RBM22: variants seen among roughly 807,000 people sequenced by gnomAD.
RBM22 encodes the protein RNA binding motif protein 22.
A neutral mutation model predicts 50.1 loss-of-function variants in RBM22; 1 was observed. That is an observed-to-expected ratio of 0.02 (90% confidence interval 0.01 to 0.09). The LOEUF is 0.09. RBM22 is among the 10% of genes least tolerant of loss of function. The pLI is 1.00. For missense variants in RBM22, 264 were observed against 529.3 expected, an observed-to-expected ratio of 0.50 and a Z score of 4.92; for synonymous variants, 152 against 179.0, an observed-to-expected ratio of 0.85 and a Z score of 1.20.
At chr5:150,700,904 T>G in intron 1 of RBM22, 28 bp downstream of exon 1, 1 of 1,614,170 alleles carries the variant, frequency 6.2e-7, no homozygotes, top group Non-Finnish European at 8.5e-7. Context: ...GCCTCCTCCT[T>G]CCATCCTCCT....
At position 150,696,890 on chromosome 5, in the gene RBM22, G is replaced by T; in HGVS notation, c.273C>A (p.Gly91=). The part of the protein sequence containing the change: ...CQTCLLDLEY[G]LPIQVRDAGL... ...CTGCGTCACGAACCTGGATGGGCAGGCCTGGTACAAAAAAAGAGGAAAAAG... is the reference window on the plus strand; with the variant it reads ...CTGCGTCACGAACCTGGATGGGCAGTCCTGGTACAAAAAAAGAGGAAAAAG... Residue 91 remains glycine (G), a splice_region_variant and synonymous_variant, in exon 5 of 11, where the codon GGC becomes GGA. Transcript: ENST00000199814. The surrounding 1 kb of genome is among the most constrained non-coding windows in gnomAD (Gnocchi z 4.3). 6.2e-7 allele frequency: 1 copy of T among 1,614,008 alleles called. No individual in the cohort carries two copies. The highest frequency in any genetic ancestry group is 2.2e-5 in the East Asian group (1 of 44,878).
chr5:150,700,731 T>TAA (rs1243694200), intron 1 of RBM22: 1 of 1,536,954 alleles, frequency 6.5e-7, no homozygotes, highest in Non-Finnish European at 8.7e-7. Flanking sequence ...GAAAGGGTGC[T>TAA]GGTCCCGGGA....
chr5:150,700,678 A>T, intron 1 of RBM22, 181 bp from the exon 2 acceptor site: 1 of 1,526,364 alleles, frequency 6.6e-7, no homozygotes. Flanking sequence ...AGGCGGCGGG[A>T]GAAAAGAAAA....
rs760208531 is a variant in RBM22 at position 150,693,278 on chromosome 5, T to C, written c.941A>G (p.Glu314Gly). The change falls in exon 9 of 11, where the codon GAG (glutamate) becomes GGG (glycine). Residue 314 changes from glutamate (E) to glycine (G), a missense_variant. By Grantham distance (98) the Glu-to-Gly change is moderately conservative. This residue lies in a region of RBM22 where 106 missense variants were observed against 137.1 expected (regional missense o/e 0.77). Coordinates refer to ENST00000199814, the MANE Select transcript of RBM22 (RefSeq NM_018047.3). ...CCCAGAGTCTGTAGTTCCATCTTTC[T>C]CTTTTTCTTTTCCTCTGGCTGCCTG... ...RSQAARGKEKEKDGTTDSGIK... is the reference protein window; with the variant it reads ...RSQAARGKEKGKDGTTDSGIK... 3 of 1,614,048 alleles carry C rather than the reference T, an allele frequency of 1.9e-6. No individual in the cohort carries two copies. In the South Asian group the frequency reaches 3.3e-5, roughly 18 times the overall value.
At position 150,696,456 on chromosome 5, in the gene RBM22, A is replaced by G. The variant is rs1561678707; in HGVS notation, c.545+77T>C. The G allele has an allele frequency of 2.1e-5, 30 of 1,440,364 alleles. No individual in the cohort carries two copies. In the South Asian group the frequency reaches 3.0e-4, roughly 14 times the overall value. The allele number at this position is 1,440,364 out of a possible 1,614,324, so 89.2% of individuals were successfully genotyped here. ...GACCTTTAGATTTTAAAGCAGAAAC[A>G]GTTTAAGTTAGGACCTCCCACTTCT... is the stretch of plus-strand genomic sequence containing the variant. On this transcript the variant is annotated intron_variant, in intron 6 of 10. Coordinates refer to ENST00000199814, the MANE Select transcript of RBM22 (RefSeq NM_018047.3). The surrounding 1 kb of genome is among the most constrained non-coding windows in gnomAD (Gnocchi z 4.3).
intron 1 of RBM22, 123 bp from the exon 2 acceptor site, chr5:150,700,620 G>A (rs1446742225): frequency 6.4e-7 from 1 of 1,553,574 alleles, no homozygotes; most frequent in Non-Finnish European, 8.7e-7. Context: ...GGAACCCGAA[G>A]TCCATCACGA....
chr5:150,696,955 C>T lies in RBM22; in HGVS notation c.272-64G>A. ...TTAAAACATATCCATACTAACCATG[C>T]ACACAGAATACATCATCTTTCCCTT... On this transcript the variant is annotated intron_variant, in intron 4 of 10. Transcript: ENST00000199814. The surrounding 1 kb of genome is among the most constrained non-coding windows in gnomAD (Gnocchi z 4.3). The T allele has an allele frequency of 7.0e-7, 1 of 1,425,794 alleles. No individual in the cohort carries two copies. Among genetic ancestry groups the T allele is most frequent in the South Asian group, 1.2e-5 (1 of 85,516 alleles). 88.3% of individuals were successfully genotyped at this position (1,425,794 alleles called of 1,614,324 possible).
In RBM22 at chr5:150,700,709, G is replaced by A. The variant is rs1337838955; in HGVS notation, c.55-212C>T. The A allele has an allele frequency of 3.3e-6, 5 of 1,532,272 alleles. No individual in the cohort carries two copies. In the Admixed American group the frequency reaches 6.0e-5, roughly 18 times the overall value. The allele number at this position is 1,532,272 out of a possible 1,614,324, so 94.9% of individuals were successfully genotyped here. ...GAAAACCAGCTCTAATAGGCTGGAGGGGGCAGGGATGGAAAGGGTGCTGGT... is the reference window on the plus strand; with the variant it reads ...GAAAACCAGCTCTAATAGGCTGGAGAGGGCAGGGATGGAAAGGGTGCTGGT... On this transcript the variant is annotated intron_variant, in intron 1 of 10. Transcript: ENST00000199814.
At chr5:150,700,670 G>T (rs1251406472) in intron 1 of RBM22, 173 bp from the exon 2 acceptor site, 1 of 1,526,622 alleles carries the variant, frequency 6.6e-7, no homozygotes, top group Non-Finnish European at 8.8e-7. Flanking sequence ...CTTCCGGCAG[G>T]CGGCGGGAGA....
chr5:150,695,499 C>T lies in RBM22; in HGVS notation c.746+7G>A. ...CAAAAATAACTCTCTAACTTATACCCACAAACCTTAAATCTGTCTCAGTAA... is the reference window on the plus strand; with the variant it reads ...CAAAAATAACTCTCTAACTTATACCTACAAACCTTAAATCTGTCTCAGTAA... On this transcript the variant is annotated splice_region_variant and intron_variant, in intron 7 of 10. Coordinates refer to ENST00000199814, the MANE Select transcript of RBM22 (RefSeq NM_018047.3). The T allele has an allele frequency of 4.4e-6, 7 of 1,606,698 alleles. No individual in the cohort carries two copies. Among genetic ancestry groups the T allele is most frequent in the Non-Finnish European group, 6.0e-6 (7 of 1,174,676 alleles).
rs748238224 is a variant in RBM22 at position 150,701,031 on chromosome 5, G to C, written c.-46C>G. On this transcript the variant is annotated 5_prime_UTR_variant, in exon 1 of 11. Transcript: ENST00000199814. ...GCTGTAGCTTCCGAATTGGGAGAGAGGACCGCCACAATCCCGTCAAGCCCC... is the reference window on the plus strand; with the variant it reads ...GCTGTAGCTTCCGAATTGGGAGAGACGACCGCCACAATCCCGTCAAGCCCC... 3.1e-6 allele frequency: 5 copies of C among 1,609,294 alleles called. No individual in the cohort carries two copies. The South Asian group carries it at 5.5e-5, about 18-fold the overall frequency.
chr5:150,700,638 G>C, intron 1 of RBM22, 141 bp from the exon 2 acceptor site: 1 of 1,532,640 alleles, frequency 6.5e-7, no homozygotes, highest in Middle Eastern at 1.7e-4. Context: ...CGACCCGATC[G>C]CGGGAGGGGG....
chr5:150,698,659 T>C (rs1561679393), intron 3 of RBM22, 28 bp from the exon 4 acceptor site: 1 of 1,612,662 alleles, frequency 6.2e-7, no homozygotes, highest in Admixed American at 1.7e-5. Flanking sequence ...AGCCATAGAA[T>C]GTCAATGGTC....
In RBM22 at chr5:150,691,216, A is replaced by G. The variant is rs1759203653; in HGVS notation, c.*535T>C. On this transcript the variant is annotated 3_prime_UTR_variant, in exon 11 of 11. Transcript: ENST00000199814. ...GAATAAATGAGGAAAAGGAGAGGAA[A>G]GAGAAGATCTGGGCTGTGCTGGTGC... 6.6e-6 allele frequency: 1 copy of G among 152,352 alleles called. No individual in the cohort carries two copies. The highest frequency in any genetic ancestry group is 1.5e-5 in the Non-Finnish European group (1 of 68,048). The allele number at this position is 152,352 out of a possible 1,614,324, so 9.4% of individuals were successfully genotyped here.
In RBM22 at chr5:150,698,711, C is replaced by A; in HGVS notation, c.139-80G>T. On this transcript the variant is annotated intron_variant, in intron 3 of 10. Coordinates refer to ENST00000199814, the MANE Select transcript of RBM22 (RefSeq NM_018047.3). ...GGAGATCTGATAACAACGGGGCATT[C>A]AAAAAAGGATCCCTGAATGTAGGAT... 2.7e-6 allele frequency: 4 copies of A among 1,506,912 alleles called. No homozygotes were observed. The South Asian group carries it at 3.8e-5, about 14-fold the overall frequency. The allele number at this position is 1,506,912 out of a possible 1,614,324, so 93.3% of individuals were successfully genotyped here.
chr5:150,696,201 C>T lies in RBM22; in HGVS notation c.545+332G>A, dbSNP rs1229907401. Among the ~76,000 whole-genome samples the T allele has an allele frequency of 6.6e-6, 1 of 151,998 alleles. No individual in the cohort carries two copies. The highest frequency in any genetic ancestry group is 2.4e-5 in the African/African-American group (1 of 41,380). On this transcript the variant is annotated intron_variant, in intron 6 of 10. Transcript: ENST00000199814. This position sits in a 1 kb window ranked among gnomAD's most constrained non-coding sequence, Gnocchi z 4.3. ...CAGTCTTAACCAAAACATACACACC[C>T]TTTAGAAGTCTGACCTTACTTTGAC...
At chr5:150,700,326 C>T in intron 2 of RBM22, 118 bp downstream of exon 2, 1 of 1,015,736 alleles carries the variant, frequency 9.8e-7, no homozygotes, top group East Asian at 2.5e-5. Flanking sequence ...TCGTCCAGCA[C>T]TTCGCGTTAG....
chr5:150,692,011 A>C, intron 10 of RBM22, 130 bp from the exon 11 acceptor site: 8 of 1,067,096 alleles, frequency 7.5e-6, no homozygotes, highest in Non-Finnish European at 1.0e-5. Flanking sequence ...AGCAAATGTC[A>C]GTTCACAAAC....
intron 8 of RBM22, among the ~76,000 whole-genome samples, 161 bp from the exon 9 acceptor site, chr5:150,693,468 G>A (rs571208057): frequency 1.3e-5 from 2 of 152,272 alleles, no homozygotes; most frequent in East Asian, 1.9e-4. Context: ...AAGAGCAAAG[G>A]TTTTGACACC....
Sources: allele counts gnomAD v4.1 joint callset (sites outside exome capture counted in the v4.1 genomes callset), GRCh38; gene constraint gnomAD v4.1.1; regional missense constraint gnomAD v4.1.1; non-coding constraint Gnocchi (gnomAD v3.1); transcripts MANE v1.5; gene names NCBI Gene and HGNC (gene_info 2026-07-23, HGNC 2026-07-21).